The following CHST9 variants were observed in gnomAD, a reference collection of about 807,000 sequenced individuals.
The protein encoded by CHST9 is GalNAc-4-sulfotransferase 2.
CHST9 carries 41 observed loss-of-function variants against 44.4 expected under a neutral mutation model. The observed-to-expected ratio is 0.92, with a 90% CI of 0.72 to 1.20. The LOEUF (loss-of-function observed/expected upper bound fraction) is 1.20, where lower values mean the gene tolerates loss of function less well. Ranked by LOEUF, CHST9 falls within the 50% of genes most tolerant of loss-of-function variation. CHST9 has a pLI of 0.00. For synonymous variants in CHST9, 171 were observed against 178.4 expected (o/e 0.96, Z 0.33); for missense variants, 504 against 516.5 (o/e 0.98, Z 0.23).
At chr18:26,927,946 G>T (rs1376371129) in intron 5 of CHST9, among the ~76,000 whole-genome samples, 1 of 152,004 alleles carries the variant, frequency 6.6e-6, no homozygotes, top group Non-Finnish European at 1.5e-5. Flanking sequence ...GCCGCCTTCC[G>T]TGGTGTTTTA....
At chr18:27,084,697 G>C (rs1474382496) in intron 2 of CHST9, among the ~76,000 whole-genome samples, 1 of 151,552 alleles carries the variant, frequency 6.6e-6, no homozygotes, top group African/African-American at 2.4e-5. Flanking sequence ...CTAGCTTTGG[G>C]GTTGATTTGC....
chr18:27,003,817 T>TAC (rs1187984118), intron 4 of CHST9, among the ~76,000 whole-genome samples: 1 of 152,138 alleles, frequency 6.6e-6, no homozygotes, highest in Non-Finnish European at 1.5e-5. Context: ...GTCTTGTATA[T>TAC]ACACCATGAA....
intron 3 of CHST9, among the ~76,000 whole-genome samples, chr18:27,042,056 T>C (rs888648409): frequency 6.6e-6 from 1 of 152,108 alleles, no homozygotes; most frequent in Non-Finnish European, 1.5e-5. Flanking sequence ...TGGAGATGGA[T>C]TGCCTGGGAG....
At chr18:26,974,449 G>C (rs1368329024) in intron 4 of CHST9, among the ~76,000 whole-genome samples, 1 of 152,176 alleles carries the variant, frequency 6.6e-6, no homozygotes, top group Admixed American at 6.5e-5. Context: ...AAGATATGAA[G>C]TATGTTTTCT....
At chr18:27,081,367 A>G (rs546091311) in intron 2 of CHST9, among the ~76,000 whole-genome samples, 1 of 152,242 alleles carries the variant, frequency 6.6e-6, no homozygotes, top group South Asian at 2.1e-4. Flanking sequence ...GAAGAAAAGA[A>G]AAGAAAAAAG....
chr18:27,122,069 C>T (rs181882636), intron 2 of CHST9, among the ~76,000 whole-genome samples: 3 of 152,194 alleles, frequency 2.0e-5, no homozygotes, highest in East Asian at 3.9e-4. Context: ...GGAGTAAAAG[C>T]AGGAGTATGG....
intron 4 of CHST9, among the ~76,000 whole-genome samples, chr18:26,993,129 A>G (rs542402447): frequency 3.1e-4 from 47 of 152,312 alleles, no homozygotes; most frequent in African/African-American, 1.1e-3. Context: ...GGGACACGTT[A>G]TGGTTTAACC....
chr18:26,979,359 T>G (rs1173192110), intron 4 of CHST9, among the ~76,000 whole-genome samples: 1 of 152,204 alleles, frequency 6.6e-6, no homozygotes, highest in Non-Finnish European at 1.5e-5. Context: ...TTTCTATGCA[T>G]ATATGGAAAA....
At chr18:27,184,834 G>T (rs913958988) in intron 1 of CHST9, among the ~76,000 whole-genome samples, 3 of 152,124 alleles carry the variant, frequency 2.0e-5, no homozygotes, top group Non-Finnish European at 4.4e-5. Context: ...TCAGGTAGCT[G>T]ACAAGTTCAG....
intron 2 of CHST9, among the ~76,000 whole-genome samples, chr18:27,050,147 T>C (rs542071602): frequency 6.6e-6 from 1 of 152,228 alleles, no homozygotes; most frequent in East Asian, 1.9e-4. Context: ...GAAGTAAGTG[T>C]GTGATGAGAA....
At chr18:27,050,123 C>T (rs1228661564) in intron 2 of CHST9, among the ~76,000 whole-genome samples, 1 of 152,130 alleles carries the variant, frequency 6.6e-6, no homozygotes, top group Non-Finnish European at 1.5e-5. Context: ...ACAAGAGAGA[C>T]TGCGAGGGTT....
intron 2 of CHST9, among the ~76,000 whole-genome samples, chr18:27,065,663 G>T (rs1193742450): frequency 2.0e-5 from 3 of 150,886 alleles, no homozygotes; most frequent in Admixed American, 2.0e-4. Flanking sequence ...AAAAAGAGAG[G>T]CCTCCTCTAG....
chr18:27,165,193 A>C (rs898784227), intron 1 of CHST9, among the ~76,000 whole-genome samples: 3 of 152,234 alleles, frequency 2.0e-5, no homozygotes, highest in Non-Finnish European at 4.4e-5. Context: ...AAATCTAGAC[A>C]GAATATTTAG....
chr18:27,169,797 C>T (rs1193376639), intron 1 of CHST9, among the ~76,000 whole-genome samples: 4 of 151,712 alleles, frequency 2.6e-5, no homozygotes, highest in East Asian at 1.9e-4. Context: ...TTAGTAGAGA[C>T]GGGATTTCAC....
chr18:27,133,164 T>G (rs1271418239), intron 2 of CHST9, among the ~76,000 whole-genome samples: 1 of 152,136 alleles, frequency 6.6e-6, no homozygotes, highest in African/African-American at 2.4e-5. Flanking sequence ...TAATGAAGGG[T>G]TACATTGTAA....
chr18:27,113,096 G>A (rs1209706492), intron 2 of CHST9, among the ~76,000 whole-genome samples: 1 of 151,810 alleles, frequency 6.6e-6, no homozygotes, highest in African/African-American at 2.4e-5. Context: ...GGCTGAGGCA[G>A]GAGAATGGCA....
In CHST9 at chr18:26,957,559, T is replaced by A. The variant is rs1056596352; in HGVS notation, c.203-13193A>T. On this transcript the variant is annotated intron_variant, in intron 4 of 5. Transcript: ENST00000618847. ...AAACCCTGTATTCATTGTTTATAAC[T>A]ACACTGCAAAAAAAAAAAAAAATAG... is the stretch of plus-strand genomic sequence containing the variant. 7.5e-4 allele frequency among the ~76,000 whole-genome samples: 88 copies of A among 117,256 alleles called. 4 individuals are homozygous for A. The highest frequency in any genetic ancestry group is 9.7e-5 in the Admixed American group (1 of 10,296). 76.9% of individuals were successfully genotyped at this position (117,256 alleles called of 152,430 possible).
intron 4 of CHST9, among the ~76,000 whole-genome samples, chr18:26,975,466 A>G (rs1176443960): frequency 6.6e-6 from 1 of 151,736 alleles, no homozygotes; most frequent in Non-Finnish European, 1.5e-5. Flanking sequence ...GTCCATCATT[A>G]CACACTCTAA....
intron 4 of CHST9, chr18:26,952,459 G>T: frequency 2.3e-6 from 1 of 437,894 alleles, no homozygotes; most frequent in South Asian, 1.8e-5. Context: ...TTCCTGCAAT[G>T]AACAGTCATT....
Sources: gnomAD v4.1 joint callset for allele counts (sites outside exome capture counted in the v4.1 genomes callset) on GRCh38, gnomAD v4.1.1 for gene constraint, MANE v1.5 for transcripts, NCBI Gene and HGNC (gene_info 2026-07-23, HGNC 2026-07-21) for gene names.